The following TNFSF4 variants were observed in gnomAD, a reference collection of about 807,000 sequenced individuals.
The protein encoded by TNFSF4 is TNF superfamily member 4.
A neutral mutation model predicts 7.3 loss-of-function variants in TNFSF4; 4 were observed. The observed-to-expected ratio is 0.55, with a 90% CI of 0.27 to 1.25. The LOEUF (loss-of-function observed/expected upper bound fraction) is 1.25, where lower values mean the gene tolerates loss of function less well. Among genes scored for constraint, TNFSF4 ranks in the 50% most tolerant of loss-of-function variants. The pLI, the probability that TNFSF4 is intolerant of heterozygous loss-of-function variation, is 0.12. For synonymous variants in TNFSF4, 76 were observed against 83.7 expected (o/e 0.91, Z 0.50); for missense variants, 181 against 208.8 (o/e 0.87, Z 0.82).
the TNFSF4 span, among the ~76,000 whole-genome samples, chr1:173,366,201 G>A: frequency 9.2e-5 from 14 of 152,140 alleles, no homozygotes; most frequent in Non-Finnish European, 1.5e-5. Flanking sequence ...CACCATTCAT[G>A]ATAGCCAAGA....
the TNFSF4 span, chr1:173,362,908 A>T: frequency 2.1e-6 from 1 of 481,048 alleles, no homozygotes; most frequent in Non-Finnish European, 4.2e-6. Context: ...CCCAAGCATA[A>T]TCTATAATGT....
At chr1:173,261,570 A>G in the TNFSF4 span, among the ~76,000 whole-genome samples, 1 of 152,174 alleles carries the variant, frequency 6.6e-6, no homozygotes, top group Non-Finnish European at 1.5e-5. Flanking sequence ...AATAAAATAT[A>G]TAGACTGCTA....
chr1:173,273,074 G>T, the TNFSF4 span, among the ~76,000 whole-genome samples: 2 of 152,090 alleles, frequency 1.3e-5, no homozygotes, highest in Non-Finnish European at 2.9e-5. Context: ...CTCAATTAGG[G>T]CACAAACAAA....
the TNFSF4 span, among the ~76,000 whole-genome samples, chr1:173,397,386 T>G: frequency 1.4e-4 from 21 of 152,284 alleles, no homozygotes; most frequent in South Asian, 3.9e-3. Context: ...CCAAAGCAAC[T>G]GTACATTGGG....
chr1:173,382,970 CA>C, the TNFSF4 span, among the ~76,000 whole-genome samples: 2 of 151,990 alleles, frequency 1.3e-5, no homozygotes, highest in African/African-American at 4.8e-5. Flanking sequence ...AGAACAAAAT[CA>C]ATGGCAATTA....
chr1:173,378,245 A>G, the TNFSF4 span, among the ~76,000 whole-genome samples: 2 of 150,728 alleles, frequency 1.3e-5, no homozygotes, highest in African/African-American at 2.4e-5. Flanking sequence ...TGTTTCTGCT[A>G]CTGCATCAGT....
At chr1:173,278,269 T>C in the TNFSF4 span, among the ~76,000 whole-genome samples, 1 of 152,136 alleles carries the variant, frequency 6.6e-6, no homozygotes, top group African/African-American at 2.4e-5. Flanking sequence ...ATGCTTGGTA[T>C]AGAGTAGGTG....
At chr1:173,226,344 A>G in the TNFSF4 span, among the ~76,000 whole-genome samples, 2 of 152,242 alleles carry the variant, frequency 1.3e-5, no homozygotes, top group African/African-American at 4.8e-5. Flanking sequence ...CACACCTTCT[A>G]TCTTACTTGT....
chr1:173,441,984 T>C, the TNFSF4 span: 2 of 152,260 alleles, frequency 1.3e-5, no homozygotes, highest in East Asian at 1.9e-4. Context: ...TGGATCAAAA[T>C]GCTGAAGTTC....
At chr1:173,440,689 A>T in the TNFSF4 span, 1 of 152,200 alleles carries the variant, frequency 6.6e-6, no homozygotes, top group Admixed American at 6.5e-5. Flanking sequence ...CCTCTTGTTG[A>T]ATCATCTTTT....
chr1:173,348,963 C>T, the TNFSF4 span, among the ~76,000 whole-genome samples: 8 of 152,146 alleles, frequency 5.3e-5, no homozygotes, highest in East Asian at 1.9e-4. Flanking sequence ...GTCTGAACAA[C>T]GGTGAGCAGT....
chr1:173,252,732 G>A, the TNFSF4 span, among the ~76,000 whole-genome samples: 1 of 152,196 alleles, frequency 6.6e-6, no homozygotes, highest in East Asian at 1.9e-4. Flanking sequence ...TCAGACATCA[G>A]GGGGAGCACT....
chr1:173,318,175 GC>G, the TNFSF4 span, among the ~76,000 whole-genome samples: 1 of 152,176 alleles, frequency 6.6e-6, no homozygotes, highest in South Asian at 2.1e-4. Flanking sequence ...GGTGGCTCAT[GC>G]CTGTCTGTAA....
At chr1:173,182,592 TAAC>T (rs1649074278), downstream of TNFSF4, among the ~76,000 whole-genome samples, 2 of 152,170 alleles carry the variant, frequency 1.3e-5, no homozygotes, top group South Asian at 2.1e-4. Flanking sequence ...ACAATGGAAA[TAAC>T]AATTTATATA....
chr1:173,430,309 GCTCA>G, the TNFSF4 span, among the ~76,000 whole-genome samples: 1 of 152,188 alleles, frequency 6.6e-6, no homozygotes, highest in Non-Finnish European at 1.5e-5. Flanking sequence ...TGCCTTCTTA[GCTCA>G]CTCCTGTTGC....
At chr1:173,328,958 T>C in the TNFSF4 span, among the ~76,000 whole-genome samples, 1 of 152,222 alleles carries the variant, frequency 6.6e-6, no homozygotes, top group Admixed American at 6.5e-5. Context: ...TATGAAATAC[T>C]ATTGAAAATT....
chr1:173,332,052 C>A, the TNFSF4 span, among the ~76,000 whole-genome samples: 1 of 152,190 alleles, frequency 6.6e-6, no homozygotes, highest in South Asian at 2.1e-4. Flanking sequence ...AATTACCCAG[C>A]CCAAATGCCA....
chr1:173,333,699 A>G, the TNFSF4 span, among the ~76,000 whole-genome samples: 1 of 152,108 alleles, frequency 6.6e-6, no homozygotes, highest in African/African-American at 2.4e-5. Flanking sequence ...ACCATTCAGG[A>G]ACCCTGTTCT....
At chr1:173,393,207 A>T in the TNFSF4 span, among the ~76,000 whole-genome samples, 8 of 152,356 alleles carry the variant, frequency 5.3e-5, no homozygotes, top group East Asian at 1.5e-3. Flanking sequence ...CTGCAAGTCA[A>T]AAGTTCTGCT....
Sources: gnomAD v4.1 joint callset for allele counts (sites outside exome capture counted in the v4.1 genomes callset) on GRCh38, gnomAD v4.1.1 for gene constraint, MANE v1.5 for transcripts, NCBI Gene and HGNC (gene_info 2026-07-23, HGNC 2026-07-21) for gene names.